PLOD3: variants seen among roughly 807,000 people sequenced by gnomAD.
PLOD3 encodes procollagen-lysine,2-oxoglutarate 5-dioxygenase 3.
In PLOD3, 73 loss-of-function variants were observed where a neutral mutation model predicts 96.9. The ratio of observed to expected loss-of-function variants is 0.75; its 90% CI spans 0.62 to 0.92. The LOEUF (loss-of-function observed/expected upper bound fraction) is 0.92, where lower values mean the gene tolerates loss of function less well. Among genes scored for constraint, PLOD3 ranks in the 40% least tolerant of loss-of-function variants. The probability of loss-of-function intolerance (pLI) is 0.00; values close to 1 mark genes in which losing one functional copy is unlikely to be tolerated. For synonymous variants in PLOD3, 454 were observed against 413.7 expected, an observed-to-expected ratio of 1.10 and a Z score of -1.18; for missense variants, 1,004 against 1,004.3, an observed-to-expected ratio of 1.00 and a Z score of 0.00.
intron 7 of PLOD3, 26 bp from the exon 8 acceptor site, chr7:101,212,969 T>C: frequency 6.5e-7 from 1 of 1,538,822 alleles, no homozygotes; most frequent in Non-Finnish European, 9.0e-7. Flanking sequence ...TGAGGCTGAG[T>C]GGCTGAGGCC....
chr7:101,207,361 G>A (rs1584249996), intron 17 of PLOD3, among the ~76,000 whole-genome samples: 1 of 152,078 alleles, frequency 6.6e-6, no homozygotes, highest in East Asian at 1.9e-4. Flanking sequence ...GGAGGCTCTC[G>A]CTGCTCACTG....
intron 12 of PLOD3, chr7:101,210,925 G>T (rs534750374): frequency 1.2e-4 from 61 of 490,148 alleles, no homozygotes; most frequent in South Asian, 4.6e-4. Context: ...CTGTCACCCA[G>T]GCTGGAATGC....
At chr7:101,212,470 G>A in intron 9 of PLOD3, 60 bp downstream of exon 9, 8 of 1,592,922 alleles carry the variant, frequency 5.0e-6, no homozygotes, top group Non-Finnish European at 6.9e-6. Flanking sequence ...GGGGGCACGA[G>A]AGTTCTGATC....
rs780640063 is a variant in PLOD3, at chr7:101,206,414, C to T, written c.2084G>A (p.Arg695His). ...CGGGGAGGAGATCACACAGTCGTAGCGCAGGAAGCGGCAGCCACCTCCCTG... is the reference window on the plus strand; with the variant it reads ...CGGGGAGGAGATCACACAGTCGTAGTGCAGGAAGCGGCAGCCACCTCCCTG... ...DYEGGGCRFL[R>H]YDCVISSPRK... Residue 695 changes from arginine to histidine, a missense_variant, in exon 19 of 19, where the codon CGC (arginine) becomes CAC (histidine). Coordinates refer to ENST00000223127, the MANE Select transcript of PLOD3 (RefSeq NM_001084.5). 1.7e-5 allele frequency: 27 copies of T among 1,611,060 alleles called. No individual in the cohort carries two copies. In the South Asian group the frequency reaches 2.1e-4, roughly 12 times the overall value.
At chr7:101,209,438 C>T (rs1034750933) in intron 15 of PLOD3, among the ~76,000 whole-genome samples, 3 of 151,722 alleles carry the variant, frequency 2.0e-5, no homozygotes, top group East Asian at 3.9e-4. Context: ...AGTGCAGTGG[C>T]GTGATCTTGG....
chr7:101,213,585 C>T (rs999433764), intron 6 of PLOD3: 5 of 233,822 alleles, frequency 2.1e-5, no homozygotes, highest in South Asian at 5.4e-5. Flanking sequence ...GGCGTGGTCT[C>T]GGCTCACTGC....
intron 6 of PLOD3, chr7:101,213,526 T>G: frequency 3.1e-6 from 1 of 327,588 alleles, no homozygotes; most frequent in Non-Finnish European, 5.8e-6. Flanking sequence ...TTTTTTATTT[T>G]TATTTTTTGA....
At chr7:101,210,733 A>T in intron 12 of PLOD3, 60 bp from the exon 13 acceptor site, 1 of 1,599,280 alleles carries the variant, frequency 6.3e-7, no homozygotes, top group East Asian at 2.2e-5. Flanking sequence ...TGCCCAGCTC[A>T]TCCCGGGAAG....
rs760793807 is a variant in PLOD3, at chr7:101,211,939, C to T, written c.1139G>A (p.Arg380Gln). Residue 380 changes from arginine to glutamine, a missense_variant, in exon 11 of 19, where the codon CGG becomes CAG. Arg to Gln is a conservative substitution (Grantham distance 43). Transcript: ENST00000223127. The part of the protein sequence containing the change: ...EARDMAMDLC[R>Q]QDPECEFYFS... ...GTAGAACTCACACTCGGGGTCCTGC[C>T]GACACAGGTCCCTGGAGGTGAGAGG... The T allele has an allele frequency of 1.3e-5, 21 of 1,604,032 alleles. No individual in the cohort carries two copies. Among genetic ancestry groups the T allele is most frequent in the South Asian group, 4.5e-5 (4 of 89,622 alleles).
At chr7:101,214,819 A>G (rs1798242555) in intron 6 of PLOD3, among the ~76,000 whole-genome samples, 1 of 152,158 alleles carries the variant, frequency 6.6e-6, no homozygotes, top group African/African-American at 2.4e-5. Flanking sequence ...CCCGGGCAAC[A>G]GAGCGAAACT....
chr7:101,216,506 G>A lies in PLOD3; in HGVS notation c.242C>T (p.Ala81Val). ...LGEEWRGGDVARTVGGGQKVR... is the reference protein window; with the variant it reads ...LGEEWRGGDVVRTVGGGQKVR... Reference sequence around the variant, plus strand: ...CTTCTGTCCTCCACCAACTGTTCGAGCCACATCACCCCCTCGCCACTCCTC... The same window carrying A: ...CTTCTGTCCTCCACCAACTGTTCGAACCACATCACCCCCTCGCCACTCCTC... The change falls in exon 3 of 19, where the codon GCT becomes GTT. Residue 81 changes from alanine (A) to valine (V), a missense_variant. By Grantham distance (64) the Ala-to-Val change is moderately conservative. Transcript: ENST00000223127. 1 of 1,614,002 alleles carries A rather than the reference G, an allele frequency of 6.2e-7. No individual in the cohort carries two copies. Among genetic ancestry groups the A allele is most frequent in the Non-Finnish European group, 8.5e-7 (1 of 1,179,998 alleles).
At chr7:101,209,611 C>T (rs1382350469) in intron 15 of PLOD3, among the ~76,000 whole-genome samples, 2 of 146,540 alleles carry the variant, frequency 1.4e-5, no homozygotes, top group South Asian at 2.1e-4. Flanking sequence ...AGGCTGGTCT[C>T]GAACTCCTGA....
intron 12 of PLOD3, 90 bp from the exon 13 acceptor site, chr7:101,210,763 TC>T: frequency 2.1e-6 from 3 of 1,458,582 alleles, no homozygotes; most frequent in South Asian, 2.4e-5. Flanking sequence ...CCTCAGGGTA[TC>T]CCAGTCCCTG....
rs909274400 is a variant in PLOD3, at chr7:101,211,528, G to A, written c.1358+63C>T. The A allele has an allele frequency of 9.1e-6, 14 of 1,541,270 alleles. No homozygotes were observed. In the African/African-American group the frequency reaches 9.5e-5, roughly 10 times the overall value. On this transcript the variant is annotated intron_variant, in intron 12 of 18. Coordinates refer to ENST00000223127, the MANE Select transcript of PLOD3 (RefSeq NM_001084.5). ...CCACTCCAAACCCCTGAGAGTAGGG[G>A]GCTTGGGTCTACCTGGGCCCCGGGT...
rs113601976 is a variant in PLOD3 at position 101,207,511 on chromosome 7, G to A, written c.1935+67C>T. On this transcript the variant is annotated intron_variant, in intron 17 of 18. Transcript: ENST00000223127. ...GCTGCCGGGGCCGAAAGGGGTCTGC[G>A]TGGAGACTTCCTGTCCGGGACTGGG... The A allele has an allele frequency of 8.6e-3, 13,262 of 1,544,160 alleles. 223 individuals are homozygous for A. Among genetic ancestry groups the A allele is most frequent in the East Asian group, 0.079 (3,502 of 44,314 alleles).
chr7:101,216,804 T>G lies in PLOD3; in HGVS notation c.110-18A>C, dbSNP rs1445597509. 1.3e-6 allele frequency: 2 copies of G among 1,583,780 alleles called. No homozygotes were observed. The highest frequency in any genetic ancestry group is 1.7e-6 in the Non-Finnish European group (2 of 1,153,274). On this transcript the variant is annotated intron_variant, in intron 1 of 18. Coordinates refer to ENST00000223127, the MANE Select transcript of PLOD3 (RefSeq NM_001084.5). The stretch of plus-strand genomic sequence containing the variant: ...CAGCTTCTCTGTTACCAGAGGGAAA[T>G]GGCACTTGAGATCCACCGCCCAGCT...
Position 101,216,448 on chromosome 7 carries a change from G to A in PLOD3, c.300C>T (p.Tyr100=), listed in dbSNP as rs142046202. 1.4e-5 allele frequency: 23 copies of A among 1,614,086 alleles called. No individual in the cohort carries two copies. The highest frequency in any genetic ancestry group is 3.3e-5 in the Admixed American group (2 of 60,004). ...VRWLKKEMEK[Y]ADREDMIIMF... is the part of the protein sequence containing the mutation. ...TGATGATCATATCCTCCCGGTCAGC[G>A]TATTTCTCCATTTCCTTCTTTAACC... Residue 100 remains tyrosine, a synonymous_variant, in exon 3 of 19, where the codon TAC becomes TAT. Transcript: ENST00000223127.
chr7:101,209,385 C>CT lies in PLOD3; in HGVS notation c.1684-429dup, dbSNP rs561562370. 6.6e-4 allele frequency among the ~76,000 whole-genome samples: 97 copies of CT among 147,294 alleles called. No individual in the cohort carries two copies. In the South Asian group the frequency reaches 0.012, roughly 18 times the overall value. On this transcript the variant is annotated intron_variant, in intron 15 of 18. Transcript: ENST00000223127. Reference sequence around the variant, plus strand: ...CCATGCCAAGCTAATTTTTTCTTTTCTTTTTTTTTTGAGACAGGGTCTCGC... The same window carrying CT: ...CCATGCCAAGCTAATTTTTTCTTTTCTTTTTTTTTTTGAGACAGGGTCTCGC...
At chr7:101,213,336 G>T in intron 6 of PLOD3, 132 bp from the exon 7 acceptor site, 1 of 720,838 alleles carries the variant, frequency 1.4e-6, no homozygotes, top group Non-Finnish European at 2.5e-6. Flanking sequence ...AGTGTGGCTC[G>T]TTGTGGGCAG....
Sources: allele counts gnomAD v4.1 joint callset (sites outside exome capture counted in the v4.1 genomes callset), GRCh38; gene constraint gnomAD v4.1.1; transcripts MANE v1.5; gene names NCBI Gene and HGNC (gene_info 2026-07-23, HGNC 2026-07-21).